The following CHM variants were observed in gnomAD, a reference collection of about 807,000 sequenced individuals.
CHM encodes the protein CHM Rab escort protein, also known as rab proteins geranylgeranyltransferase component A 1.
Under a neutral mutation model 49.0 loss-of-function variants are expected in CHM, and 10 were observed. That is an observed-to-expected ratio of 0.20 (90% CI 0.13 to 0.35). The LOEUF (loss-of-function observed/expected upper bound fraction) is 0.35, where lower values mean the gene tolerates loss of function less well. CHM is among the 10% of genes least tolerant of loss of function. The pLI is 1.00. For missense variants in CHM, 455 were observed against 478.4 expected, an observed-to-expected ratio of 0.95 and a Z score of 0.46; for synonymous variants, 184 against 167.5, an observed-to-expected ratio of 1.10 and a Z score of -0.76.
At chrX:85,873,428 C>T (rs992795515) in intron 13 of CHM, among the ~76,000 whole-genome samples, 7 of 111,768 alleles carry the variant, frequency 6.3e-5, no homozygotes, top group Non-Finnish European at 1.9e-5. Flanking sequence ...ACTTCTATTA[C>T]TTCTTCTCAC....
At chrX:86,022,137 G>A (rs1307320413) in intron 2 of CHM, among the ~76,000 whole-genome samples, 1 of 111,865 alleles carries the variant, frequency 8.9e-6, no homozygotes, top group Non-Finnish European at 1.9e-5. Context: ...ACTGAACACT[G>A]CTGAATTCTA....
chrX:85,984,613 T>A (rs922685273), intron 2 of CHM, among the ~76,000 whole-genome samples: 1 of 111,753 alleles, frequency 8.9e-6, no homozygotes, highest in African/African-American at 3.3e-5. Flanking sequence ...AAATTACACA[T>A]GAGAAAAGCA....
intron 2 of CHM, among the ~76,000 whole-genome samples, chrX:86,003,115 A>C (rs1932780971): frequency 8.9e-6 from 1 of 112,101 alleles, no homozygotes; most frequent in Admixed American, 9.4e-5. Context: ...ACCCAGGCAT[A>C]CAGGGTCTGG....
intron 2 of CHM, among the ~76,000 whole-genome samples, chrX:85,995,309 T>C (rs1020300379): frequency 2.0e-5 from 2 of 101,111 alleles, no homozygotes; most frequent in African/African-American, 7.3e-5. Context: ...ACCTGCTACA[T>C]TTTATTATCA....
chrX:86,046,660 T>TA (rs1330847222), intron 1 of CHM, among the ~76,000 whole-genome samples: 3 of 110,973 alleles, frequency 2.7e-5, no homozygotes, highest in Non-Finnish European at 5.7e-5. Flanking sequence ...CTTACACTAT[T>TA]AAAAAAAATT....
At chrX:86,008,329 C>G (rs1021750150) in intron 2 of CHM, among the ~76,000 whole-genome samples, 78 of 110,638 alleles carry the variant, frequency 7.1e-4, no homozygotes, top group African/African-American at 2.4e-3. Context: ...ATGGGGGCAG[C>G]ACACCAACAT....
intron 12 of CHM, among the ~76,000 whole-genome samples, chrX:85,892,818 G>T (rs1034848465): frequency 9.0e-6 from 1 of 111,598 alleles, no homozygotes; most frequent in Non-Finnish European, 1.9e-5. Flanking sequence ...TTTCCCCACT[G>T]AAGTTTTCCT....
intron 2 of CHM, among the ~76,000 whole-genome samples, chrX:86,008,479 T>C (rs938505425): frequency 1.8e-5 from 2 of 111,809 alleles, no homozygotes; most frequent in African/African-American, 6.5e-5. Context: ...CTTTTTATTG[T>C]TGTCTTCATG....
intron 10 of CHM, 61 bp downstream of exon 10, chrX:85,901,023 G>A (rs748653672): frequency 2.0e-4 from 156 of 782,117 alleles, no homozygotes; most frequent in Non-Finnish European, 2.8e-4. Flanking sequence ...TTGAAGAACA[G>A]AATTACACAG....
intron 11 of CHM, among the ~76,000 whole-genome samples, chrX:85,895,037 AT>A (rs2148145267): frequency 9.0e-6 from 1 of 110,794 alleles, no homozygotes; most frequent in South Asian, 3.7e-4. Context: ...CTTAAGTACT[AT>A]TTATTTATAT....
chrX:86,017,142 A>G (rs1214002714), intron 2 of CHM, among the ~76,000 whole-genome samples: 1 of 112,439 alleles, frequency 8.9e-6, no homozygotes, highest in Non-Finnish European at 1.9e-5. Flanking sequence ...TATTGTATCT[A>G]GGAAGTAACT....
rs775072539 is a variant in CHM, at chrX:85,879,068, T to TA, written c.1511-6dup. 1,586 of 1,055,009 alleles carry TA rather than the reference T, an allele frequency of 1.5e-3. No individual in the cohort carries two copies. Among genetic ancestry groups the TA allele is most frequent in the Non-Finnish European group, 1.7e-3 (1,349 of 774,519 alleles). 86.9% of individuals were successfully genotyped at this position (1,055,009 alleles called of 1,213,427 possible). On this transcript the variant is annotated splice_region_variant and splice_polypyrimidine_tract_variant and intron_variant, in intron 12 of 14. Transcript: ENST00000357749. Reference sequence around the variant, plus strand: ...TGCAAGTCAAATGAACCAAATCTGTTAAAAAAAAAATATTTGAGTTCCTTG... The same window carrying TA: ...TGCAAGTCAAATGAACCAAATCTGTTAAAAAAAAAAATATTTGAGTTCCTTG...
chrX:85,976,706 T>A (rs1931280948), intron 4 of CHM, among the ~76,000 whole-genome samples: 1 of 110,788 alleles, frequency 9.0e-6, no homozygotes, highest in South Asian at 3.9e-4. Flanking sequence ...CACGTTTCAT[T>A]AATGGCAAAA....
Position 85,864,561 on chromosome X carries a change from C to A in CHM, c.*69G>T. On this transcript the variant is annotated 3_prime_UTR_variant, in exon 15 of 15. Coordinates refer to ENST00000357749, the MANE Select transcript of CHM (RefSeq NM_000390.4). ...GCTTTCTAACATTTCTCAAACAGTC[C>A]TTCTATCAAGTAGACTCTGAGACCA... is the stretch of plus-strand genomic sequence containing the variant. 1 of 924,878 alleles carries A rather than the reference C, an allele frequency of 1.1e-6. No individual in the cohort carries two copies. Among genetic ancestry groups the A allele is most frequent in the South Asian group, 2.1e-5 (1 of 48,631 alleles). 76.2% of individuals were successfully genotyped at this position (924,878 alleles called of 1,213,427 possible).
At chrX:86,027,610 C>T in intron 1 of CHM, 53 bp from the exon 2 acceptor site, 1 of 1,050,763 alleles carries the variant, frequency 9.5e-7, no homozygotes, top group Non-Finnish European at 1.3e-6. Flanking sequence ...ATATATTTTA[C>T]ATAAAATGTT....
At chrX:85,875,459 G>A (rs1924353110) in intron 13 of CHM, among the ~76,000 whole-genome samples, 1 of 111,523 alleles carries the variant, frequency 9.0e-6, no homozygotes, top group Admixed American at 9.6e-5. Flanking sequence ...TTAAACTGGA[G>A]TAAGTGTAGA....
intron 2 of CHM, 30 bp from the exon 3 acceptor site, chrX:85,981,839 A>T (rs1377348963): frequency 1.0e-6 from 1 of 978,505 alleles, no homozygotes; most frequent in Non-Finnish European, 1.4e-6. Context: ...AAAAAAAAGT[A>T]AAGAAAATGG....
chrX:85,995,758 T>C (rs1230256158), intron 2 of CHM, among the ~76,000 whole-genome samples: 1 of 112,297 alleles, frequency 8.9e-6, no homozygotes, highest in East Asian at 2.8e-4. Context: ...ATGGTAGCTA[T>C]TATTACATGT....
intron 2 of CHM, among the ~76,000 whole-genome samples, chrX:85,997,688 G>C (rs1366053891): frequency 9.0e-6 from 1 of 111,260 alleles, no homozygotes; most frequent in Non-Finnish European, 1.9e-5. Flanking sequence ...GGTGGCGGTG[G>C]CTCACACCTG....
Sources: allele counts gnomAD v4.1 joint callset (sites outside exome capture counted in the v4.1 genomes callset), GRCh38; gene constraint gnomAD v4.1.1; transcripts MANE v1.5; gene names NCBI Gene and HGNC (gene_info 2026-07-23, HGNC 2026-07-21).